LARS2: variants seen among roughly 807,000 people sequenced by gnomAD.
LARS2 encodes leucyl-tRNA synthetase 2, mitochondrial.
A neutral mutation model predicts 116.6 loss-of-function variants in LARS2; 81 were observed. The observed-to-expected ratio is 0.69, with a 90% CI of 0.58 to 0.84. The LOEUF is 0.84. Among genes scored for constraint, LARS2 ranks in the 40% least tolerant of loss-of-function variants. The probability of loss-of-function intolerance (pLI) is 0.00; values close to 1 mark genes in which losing one functional copy is unlikely to be tolerated. For missense variants in LARS2, 968 were observed against 1,114.5 expected, an observed-to-expected ratio of 0.87 and a Z score of 1.87; for synonymous variants, 396 against 407.2, an observed-to-expected ratio of 0.97 and a Z score of 0.33.
rs1825212 is a variant in LARS2 at position 45,488,404 on chromosome 3, A to T, written c.1124-293A>T. Among the ~76,000 whole-genome samples the T allele has an allele frequency of 0.51, 78,238 of 152,186 alleles. 24,038 individuals are homozygous for T. Among genetic ancestry groups the T allele is most frequent in the East Asian group, 0.78 (4,028 of 5,168 alleles). ...GCCGAGATCGTGCCACTGCACTCTAACCTGGGCAACAGAGCAAGACTCTGT... is the reference window on the plus strand; with the variant it reads ...GCCGAGATCGTGCCACTGCACTCTATCCTGGGCAACAGAGCAAGACTCTGT... On this transcript the variant is annotated intron_variant, in intron 11 of 21. Coordinates refer to ENST00000645846, the MANE Select transcript of LARS2 (RefSeq NM_015340.4).
At chr3:45,500,771 A>T (rs1350537036) in intron 15 of LARS2, among the ~76,000 whole-genome samples, 192 bp downstream of exon 15, 4 of 152,216 alleles carry the variant, frequency 2.6e-5, no homozygotes, top group African/African-American at 9.6e-5. Context: ...GTGATGTTGC[A>T]TGCTTGCATA....
intron 10 of LARS2, among the ~76,000 whole-genome samples, chr3:45,482,635 A>G (rs995796660): frequency 6.6e-5 from 10 of 152,244 alleles, no homozygotes; most frequent in African/African-American, 2.4e-4. Context: ...TCCAAGTGAT[A>G]TATGTATATT....
chr3:45,411,145 A>AT (rs1017281043), intron 4 of LARS2, among the ~76,000 whole-genome samples: 4 of 152,228 alleles, frequency 2.6e-5, no homozygotes, highest in African/African-American at 9.6e-5. Flanking sequence ...CACAGATAGT[A>AT]TGCCTGTCAG....
At chr3:45,519,602 T>TA (rs1700421713) in intron 18 of LARS2, 3 of 150,730 alleles carry the variant, frequency 2.0e-5, no homozygotes, top group Non-Finnish European at 4.4e-5. Flanking sequence ...TGTTTTCTGT[T>TA]ATGTTGAGTT....
chr3:45,466,595 G>A (rs1192944729), intron 8 of LARS2, among the ~76,000 whole-genome samples: 2 of 152,116 alleles, frequency 1.3e-5, no homozygotes, highest in African/African-American at 2.4e-5. Context: ...GCCATCCTGA[G>A]GTGTGTGTCC....
chr3:45,423,583 T>G lies in LARS2; in HGVS notation c.516+3854T>G, dbSNP rs145067595. Among the ~76,000 whole-genome samples the G allele has an allele frequency of 2.4e-4, 36 of 152,286 alleles. 1 individual carries two copies. The highest frequency in any genetic ancestry group is 7.2e-4 in the African/African-American group (30 of 41,552). On this transcript the variant is annotated intron_variant, in intron 6 of 21. Transcript: ENST00000645846. The stretch of plus-strand genomic sequence containing the variant: ...TGTGCCTGGCCGGTTTACTGTTATA[T>G]TGCAATTTTTCTAATCATGTATCAT...
At chr3:45,445,907 G>A (rs995917895) in intron 6 of LARS2, among the ~76,000 whole-genome samples, 3 of 152,056 alleles carry the variant, frequency 2.0e-5, no homozygotes, top group Non-Finnish European at 2.9e-5. Context: ...GTAAAAGTAC[G>A]CTTTCTATCA....
At chr3:45,453,295 A>C (rs796091943) in intron 7 of LARS2, among the ~76,000 whole-genome samples, 8 of 152,098 alleles carry the variant, frequency 5.3e-5, no homozygotes, top group African/African-American at 1.9e-4. Flanking sequence ...ATCTCTCTTC[A>C]AAGTTCTTTT....
chr3:45,439,210 C>CTTTTTTTT lies in LARS2; in HGVS notation c.517-7659_517-7652dup, dbSNP rs575140221. Among the ~76,000 whole-genome samples the CTTTTTTTT allele has an allele frequency of 6.7e-4, 42 of 62,458 alleles. 6 individuals carry two copies. Among genetic ancestry groups the CTTTTTTTT allele is most frequent in the African/African-American group, 2.6e-3 (39 of 15,276 alleles). 41.0% of individuals were successfully genotyped at this position (62,458 alleles called of 152,430 possible). A position where few individuals can be genotyped will look rare whatever the true frequency, so the allele number is the denominator to read the frequency against. ...AGAAATGAGCTGTCAGAAACTCTGG[C>CTTTTTTTT]TTTTTTTTTTTTTTTTTTTTTTTTT... On this transcript the variant is annotated intron_variant, in intron 6 of 21. Coordinates refer to ENST00000645846, the MANE Select transcript of LARS2 (RefSeq NM_015340.4).
intron 4 of LARS2, among the ~76,000 whole-genome samples, chr3:45,405,087 A>T (rs1698212601): frequency 6.6e-6 from 1 of 151,124 alleles, no homozygotes; most frequent in African/African-American, 2.4e-5. Flanking sequence ...GGTCTTTCTA[A>T]CTTCTTTTGT....
intron 4 of LARS2, among the ~76,000 whole-genome samples, chr3:45,416,811 ACGC>A (rs1445290870): frequency 2.6e-5 from 4 of 152,220 alleles, no homozygotes; most frequent in African/African-American, 9.6e-5. Context: ...ACAGTGGCTC[ACGC>A]CTGTAATCCC....
intron 15 of LARS2, 81 bp from the exon 16 acceptor site, chr3:45,513,054 C>T (rs1700312277): frequency 7.4e-6 from 7 of 941,380 alleles, no homozygotes; most frequent in East Asian, 2.4e-5. Flanking sequence ...TCTGCCCATC[C>T]GAGGGAAGGT....
chr3:45,437,784 C>A (rs1224117168), intron 6 of LARS2, among the ~76,000 whole-genome samples: 1 of 152,178 alleles, frequency 6.6e-6, no homozygotes, highest in Non-Finnish European at 1.5e-5. Flanking sequence ...ACTCATTCAA[C>A]ATTTATTAAG....
chr3:45,416,907 T>C (rs527695065), intron 4 of LARS2, among the ~76,000 whole-genome samples: 1 of 151,830 alleles, frequency 6.6e-6, no homozygotes, highest in Non-Finnish European at 1.5e-5. Context: ...ACCCTGTCTC[T>C]ACTAAAAATA....
intron 15 of LARS2, among the ~76,000 whole-genome samples, chr3:45,506,165 C>G (rs1271199174): frequency 6.6e-6 from 1 of 152,046 alleles, no homozygotes; most frequent in Non-Finnish European, 1.5e-5. Flanking sequence ...CCAAAAGAGA[C>G]TTATTTTAAT....
At chr3:45,453,567 C>T (rs566659938) in intron 7 of LARS2, among the ~76,000 whole-genome samples, 2 of 152,350 alleles carry the variant, frequency 1.3e-5, no homozygotes, top group South Asian at 4.1e-4. Context: ...ACTGGCACCT[C>T]TTCCACTGTA....
At chr3:45,426,964 G>T (rs1381357934) in intron 6 of LARS2, among the ~76,000 whole-genome samples, 1 of 152,186 alleles carries the variant, frequency 6.6e-6, no homozygotes, top group African/African-American at 2.4e-5. Context: ...TCGTCTTGGA[G>T]ACCTCAGTTT....
Position 45,541,925 on chromosome 3 carries a change from A to C in LARS2, c.2501A>C (p.Gln834Pro), listed in dbSNP as rs529873664. 2 of 1,614,240 alleles carry C rather than the reference A, an allele frequency of 1.2e-6. No homozygotes were observed. Among genetic ancestry groups the C allele is most frequent in the African/African-American group, 2.7e-5 (2 of 75,068 alleles). The change falls in exon 21 of 22, where the codon CAG (glutamine) becomes CCG (proline). Residue 834 changes from glutamine (Q) to proline (P), a missense_variant. Gln to Pro is a moderately conservative substitution (Grantham distance 76). Transcript: ENST00000645846. The stretch of plus-strand genomic sequence containing the variant: ...CCTGCTGTGGACCCGGAGTTCCTGC[A>C]GCAGCCTGAGGTTGTCCAGATGGCA... The part of the protein sequence containing the change: ...AWPAVDPEFL[Q>P]QPEVVQMAVL...
At chr3:45,398,546 A>C (rs1457106786) in intron 3 of LARS2, among the ~76,000 whole-genome samples, 1 of 152,260 alleles carries the variant, frequency 6.6e-6, no homozygotes, top group African/African-American at 2.4e-5. Flanking sequence ...AAATAAAAGC[A>C]GAAGTTCTGA....
Sources: gnomAD v4.1 joint callset for allele counts (sites outside exome capture counted in the v4.1 genomes callset) on GRCh38, gnomAD v4.1.1 for gene constraint, MANE v1.5 for transcripts, NCBI Gene and HGNC (gene_info 2026-07-23, HGNC 2026-07-21) for gene names.